CHODL: variants seen among roughly 807,000 people sequenced by gnomAD.
The protein encoded by CHODL is transmembrane protein MT75.
In CHODL, 29 loss-of-function variants were observed where a neutral mutation model predicts 34.5. The ratio of observed to expected loss-of-function variants is 0.84; its 90% CI spans 0.63 to 1.15. The LOEUF (loss-of-function observed/expected upper bound fraction) is 1.15, where lower values mean the gene tolerates loss of function less well. Among genes scored for constraint, CHODL ranks in the 50% most tolerant of loss-of-function variants. CHODL has a pLI of 0.00. For missense variants in CHODL, 332 were observed against 332.5 expected (o/e 1.00, Z 0.01); for synonymous variants, 125 against 116.1 (o/e 1.08, Z -0.49).
intron 1 of CHODL, among the ~76,000 whole-genome samples, chr21:17,943,698 A>G (rs1248545754): frequency 6.6e-6 from 1 of 152,200 alleles, no homozygotes; most frequent in East Asian, 1.9e-4. Flanking sequence ...TAGAAAGGTA[A>G]GAGGACTAGT....
intron 2 of CHODL, among the ~76,000 whole-genome samples, chr21:18,140,779 A>G (rs1623848): frequency 0.078 from 11,929 of 152,114 alleles, 1,484 homozygotes; most frequent in African/African-American, 0.27. Context: ...GTATATAATT[A>G]TATACATATA....
chr21:17,930,588 G>A (rs974757183), intron 1 of CHODL, among the ~76,000 whole-genome samples: 2 of 152,200 alleles, frequency 1.3e-5, no homozygotes, highest in Non-Finnish European at 2.9e-5. Context: ...TACCTGAACT[G>A]TGGGAATTTG....
intron 2 of CHODL, among the ~76,000 whole-genome samples, chr21:18,204,674 C>A (rs2073693035): frequency 6.6e-6 from 1 of 152,032 alleles, no homozygotes; most frequent in Admixed American, 6.6e-5. Flanking sequence ...CTCATGTTAC[C>A]CACTGTAGTT....
intron 1 of CHODL, among the ~76,000 whole-genome samples, chr21:18,255,073 G>A (rs2074300271): frequency 6.6e-6 from 1 of 151,990 alleles, no homozygotes; most frequent in Non-Finnish European, 1.5e-5. Flanking sequence ...ATAGATGTCA[G>A]GATAGGTGGT....
chr21:18,133,991 C>G (rs575617890), intron 2 of CHODL, among the ~76,000 whole-genome samples: 1 of 152,134 alleles, frequency 6.6e-6, no homozygotes. Flanking sequence ...GTATCAATTA[C>G]CTATCTATCT....
At chr21:17,925,710 A>G (rs541189785) in intron 1 of CHODL, among the ~76,000 whole-genome samples, 97 of 152,266 alleles carry the variant, frequency 6.4e-4, no homozygotes, top group African/African-American at 1.8e-3. Context: ...GATGATTCCT[A>G]TTTTTGTTAT....
At chr21:18,249,105 TAATA>T (rs1308377029) in intron 1 of CHODL, among the ~76,000 whole-genome samples, 1 of 126,062 alleles carries the variant, frequency 7.9e-6, no homozygotes, top group African/African-American at 3.2e-5. Flanking sequence ...ATATATATAA[TAATA>T]TATATATAAT....
Position 18,256,882 on chromosome 21 carries a change from C to CT in CHODL, c.389+65dup. 3 of 1,583,796 alleles carry CT rather than the reference C, an allele frequency of 1.9e-6. No individual in the cohort carries two copies. The East Asian group carries it at 6.7e-5, about 35-fold the overall frequency. On this transcript the variant is annotated intron_variant, in intron 2 of 5. Transcript: ENST00000299295. ...GAACTCCAAAGATAGAGGGAGGACT[C>CT]TGTTACCTGTAGAGGATGTCAGAGT...
At chr21:18,072,211 T>A (rs2064814205) in intron 2 of CHODL, among the ~76,000 whole-genome samples, 1 of 151,666 alleles carries the variant, frequency 6.6e-6, no homozygotes, top group Non-Finnish European at 1.5e-5. Flanking sequence ...ATAGTAATCA[T>A]AAAAATATAT....
intron 1 of CHODL, among the ~76,000 whole-genome samples, chr21:17,972,000 G>C (rs1178287593): frequency 1.3e-5 from 2 of 152,170 alleles, no homozygotes; most frequent in African/African-American, 4.8e-5. Context: ...TGCAAGGCTG[G>C]TTCAACACGT....
At chr21:18,252,921 C>T (rs2074275029) in intron 1 of CHODL, among the ~76,000 whole-genome samples, 1 of 152,076 alleles carries the variant, frequency 6.6e-6, no homozygotes, top group African/African-American at 2.4e-5. Flanking sequence ...GAGACACAGC[C>T]TGGCACAGAG....
intron 2 of CHODL, among the ~76,000 whole-genome samples, chr21:18,105,839 A>C (rs2065266199): frequency 6.6e-6 from 1 of 152,196 alleles, no homozygotes; most frequent in Admixed American, 6.5e-5. Context: ...TCCAGAATGT[A>C]CTTTTTTCAC....
intron 2 of CHODL, among the ~76,000 whole-genome samples, chr21:18,165,499 C>G (rs1468461057): frequency 6.6e-6 from 1 of 152,138 alleles, no homozygotes; most frequent in Non-Finnish European, 1.5e-5. Context: ...CACAAATCTG[C>G]AATTTGAGCA....
chr21:17,956,791 T>C (rs2063496598), intron 1 of CHODL, among the ~76,000 whole-genome samples: 1 of 121,540 alleles, frequency 8.2e-6, no homozygotes, highest in Admixed American at 8.0e-5. Context: ...CCTTAACCCC[T>C]CAAAGGAAAG....
At position 18,091,637 on chromosome 21, in the gene CHODL, C is replaced by A. The variant is rs145940141; in HGVS notation, c.-45+63666C>A. On this transcript the variant is annotated intron_variant, in intron 2 of 6. Coordinates refer to the CHODL transcript ENST00000400127. ...CCTCAACCACAGTGAGGTAGAGAAACAAGCTGGGCATTTGGGTCCTCAAAT... is the reference window on the plus strand; with the variant it reads ...CCTCAACCACAGTGAGGTAGAGAAAAAAGCTGGGCATTTGGGTCCTCAAAT... Among the ~76,000 whole-genome samples, 4 of 152,284 alleles carry A rather than the reference C, an allele frequency of 2.6e-5. No individual in the cohort carries two copies. The East Asian group carries it at 7.7e-4, about 29-fold the overall frequency.
intron 1 of CHODL, among the ~76,000 whole-genome samples, chr21:17,962,430 G>A (rs1303164707): frequency 6.6e-6 from 1 of 152,148 alleles, no homozygotes; most frequent in Non-Finnish European, 1.5e-5. Flanking sequence ...GCTGAAGGTA[G>A]ATTTGGGCAG....
At chr21:18,167,640 G>A (rs1401680113) in intron 2 of CHODL, among the ~76,000 whole-genome samples, 1 of 152,026 alleles carries the variant, frequency 6.6e-6, no homozygotes, top group Non-Finnish European at 1.5e-5. Flanking sequence ...TCAGCTCTTT[G>A]ATTTATTTCT....
intron 1 of CHODL, among the ~76,000 whole-genome samples, chr21:18,012,231 G>T (rs1476250145): frequency 1.3e-5 from 2 of 152,198 alleles, no homozygotes; most frequent in Non-Finnish European, 2.9e-5. Flanking sequence ...AAATGACATG[G>T]TGATTTCTGC....
intron 2 of CHODL, among the ~76,000 whole-genome samples, chr21:18,128,327 A>AAAAAAAAAAAAAAAAAAAC (rs2072605905): frequency 8.0e-6 from 1 of 125,566 alleles, no homozygotes; most frequent in Non-Finnish European, 1.7e-5. Context: ...AAAAAAAAAA[A>AAAAAAAAAAAAAAAAAAAC]AAAAAAAAAA....
Sources: allele counts gnomAD v4.1 joint callset (sites outside exome capture counted in the v4.1 genomes callset), GRCh38; gene constraint gnomAD v4.1.1; transcripts MANE v1.5; gene names NCBI Gene and HGNC (gene_info 2026-07-23, HGNC 2026-07-21).